Variants in WASHC4 observed in about 807,000 individuals in gnomAD.
The protein encoded by WASHC4 is WASH complex subunit 4.
Under a neutral mutation model 166.6 loss-of-function variants are expected in WASHC4, and 86 were observed. The ratio of observed to expected loss-of-function variants is 0.52; its 90% CI spans 0.43 to 0.62. The LOEUF (loss-of-function observed/expected upper bound fraction) is 0.62, where lower values mean the gene tolerates loss of function less well. WASHC4 is among the 20% of genes least tolerant of loss of function. WASHC4 has a pLI of 0.00. For synonymous variants in WASHC4, 446 were observed against 451.6 expected, an observed-to-expected ratio of 0.99 and a Z score of 0.16; for missense variants, 1,262 against 1,382.4, an observed-to-expected ratio of 0.91 and a Z score of 1.38.
intron 13 of WASHC4, among the ~76,000 whole-genome samples, chr12:105,127,661 A>G (rs114469931): frequency 3.0e-4 from 45 of 152,208 alleles, no homozygotes; most frequent in Admixed American, 6.5e-4. Flanking sequence ...GTTTTTCTTG[A>G]TGTGCTTCCT....
intron 13 of WASHC4, among the ~76,000 whole-genome samples, chr12:105,130,354 T>G (rs1881684407): frequency 6.6e-6 from 1 of 152,180 alleles, no homozygotes; most frequent in Non-Finnish European, 1.5e-5. Flanking sequence ...AGGCAGAATA[T>G]AGATAACTGT....
rs1406347235 is a variant in WASHC4 at position 105,107,859 on chromosome 12, A to T, written c.59A>T (p.Gln20Leu). The stretch of plus-strand genomic sequence containing the variant: ...TTTGACCGCGTTGACGACGGCTCGC[A>T]GAGTAAGGGAGCTGCAGGGCGAGGG... ...WEFDRVDDGSQKIHAEVQLKN... is the reference protein window; with the variant it reads ...WEFDRVDDGSLKIHAEVQLKN... The change falls in exon 1 of 33, where the codon CAG becomes CTG. Residue 20 changes from glutamine (Q) to leucine (L), a missense_variant and splice_region_variant. By Grantham distance (113) the Gln-to-Leu change is moderately radical. Transcript: ENST00000332180. 1 of 1,548,764 alleles carries T rather than the reference A, an allele frequency of 6.5e-7. No individual in the cohort carries two copies. The highest frequency in any genetic ancestry group is 1.4e-5 in the African/African-American group (1 of 72,968).
intron 6 of WASHC4, among the ~76,000 whole-genome samples, 160 bp from the exon 7 acceptor site, chr12:105,118,286 G>T (rs1036100331): frequency 4.6e-5 from 7 of 152,198 alleles, no homozygotes; most frequent in Non-Finnish European, 1.0e-4. Flanking sequence ...GTTAAGTATT[G>T]ATTGCTTGAG....
At chr12:105,160,898 T>C (rs1884454876) in intron 29 of WASHC4, among the ~76,000 whole-genome samples, 1 of 152,218 alleles carries the variant, frequency 6.6e-6, no homozygotes, top group Admixed American at 6.5e-5. Flanking sequence ...TTTTTAATGC[T>C]TCTTAGAGTA....
chr12:105,159,357 AT>A (rs1465974603), intron 28 of WASHC4, among the ~76,000 whole-genome samples: 6 of 152,322 alleles, frequency 3.9e-5, no homozygotes, highest in South Asian at 2.1e-4. Context: ...TAATGAATAG[AT>A]TATCTGCATA....
chr12:105,135,720 TTAA>T (rs1882257528), intron 14 of WASHC4, among the ~76,000 whole-genome samples: 1 of 152,150 alleles, frequency 6.6e-6, no homozygotes, highest in East Asian at 1.9e-4. Context: ...GTTTTAAATT[TTAA>T]TAATTTTACT....
chr12:105,113,962 T>G (rs1412769758), intron 2 of WASHC4, among the ~76,000 whole-genome samples: 2 of 152,044 alleles, frequency 1.3e-5, no homozygotes, highest in Non-Finnish European at 2.9e-5. Flanking sequence ...TTGCATTTTC[T>G]TATACTGCAC....
chr12:105,117,103 A>G (rs1565994511), intron 6 of WASHC4, among the ~76,000 whole-genome samples: 1 of 152,178 alleles, frequency 6.6e-6, no homozygotes, highest in Non-Finnish European at 1.5e-5. Context: ...TGAATCTTTT[A>G]TCATCATTTG....
chr12:105,124,189 G>A (rs1267609562), intron 10 of WASHC4, among the ~76,000 whole-genome samples: 3 of 144,136 alleles, frequency 2.1e-5, no homozygotes, highest in African/African-American at 5.2e-5. Flanking sequence ...GAGCTATCTC[G>A]GCTCACCACA....
chr12:105,156,936 T>TA, intron 27 of WASHC4, 144 bp downstream of exon 27: 1 of 715,366 alleles, frequency 1.4e-6, no homozygotes, highest in Admixed American at 2.3e-5. Context: ...CTATTAATTC[T>TA]ACTAGATTTT....
At chr12:105,143,373 ATT>A in intron 20 of WASHC4, 130 bp downstream of exon 20, 1 of 624,672 alleles carries the variant, frequency 1.6e-6, no homozygotes, top group Non-Finnish European at 2.9e-6. Flanking sequence ...ACAAAGAACT[ATT>A]TTTAGTTACA....
At chr12:105,148,859 C>T in intron 24 of WASHC4, 1 of 985,274 alleles carries the variant, frequency 1.0e-6, no homozygotes, top group Non-Finnish European at 1.2e-6. Flanking sequence ...TTTGCTATTT[C>T]CATCTGTAGG....
intron 25 of WASHC4, among the ~76,000 whole-genome samples, chr12:105,151,951 C>T (rs1883804125): frequency 6.6e-6 from 1 of 152,128 alleles, no homozygotes; most frequent in Non-Finnish European, 1.5e-5. Context: ...AATTTTAACC[C>T]AGCTGACGTG....
At chr12:105,139,519 C>T (rs1394174692) in intron 15 of WASHC4, among the ~76,000 whole-genome samples, 2 of 147,812 alleles carry the variant, frequency 1.4e-5, no homozygotes, top group Non-Finnish European at 3.0e-5. Context: ...AATTGACCAA[C>T]ACTGGTATTA....
At chr12:105,143,413 A>G (rs549731608) in intron 20 of WASHC4, among the ~76,000 whole-genome samples, 170 bp downstream of exon 20, 17 of 152,170 alleles carry the variant, frequency 1.1e-4, no homozygotes, top group Admixed American at 9.2e-4. Context: ...ATTGGTCTGT[A>G]ATTCATTTAT....
intron 10 of WASHC4, 67 bp downstream of exon 10, chr12:105,122,305 T>G: frequency 6.7e-7 from 1 of 1,499,300 alleles, no homozygotes; most frequent in Non-Finnish European, 9.2e-7. Context: ...AGAATTATAG[T>G]AGGACACTTT....
In WASHC4 at chr12:105,127,196, C is replaced by G; in HGVS notation, c.1106C>G (p.Pro369Arg). The stretch of plus-strand genomic sequence containing the variant: ...GATAATTTTCTGATCCAGAAAATAC[C>G]AGCAGCTGCCAAACTGCTAGACAGA... ...FPDNFLIQKI[P>R]AAAKLLDRKS... The change falls in exon 13 of 33, where the codon CCA (proline) becomes CGA (arginine). Residue 369 changes from proline to arginine, a missense_variant. Physicochemically the swap from Pro to Arg is moderately radical, Grantham distance 103. Transcript: ENST00000332180. The G allele has an allele frequency of 6.2e-7, 1 of 1,611,200 alleles. No homozygotes were observed. Among genetic ancestry groups the G allele is most frequent in the Non-Finnish European group, 8.5e-7 (1 of 1,177,560 alleles).
At chr12:105,138,429 CA>C (rs1734352783) in intron 15 of WASHC4, among the ~76,000 whole-genome samples, 1 of 150,646 alleles carries the variant, frequency 6.6e-6, no homozygotes, top group Admixed American at 6.6e-5. Flanking sequence ...GGTTAGTTAA[CA>C]TAAGGCTATT....
chr12:105,120,480 C>T (rs935518340), intron 7 of WASHC4, 75 bp from the exon 8 acceptor site: 2 of 849,028 alleles, frequency 2.4e-6, no homozygotes, highest in South Asian at 1.4e-5. Context: ...TCATCTGCTC[C>T]TGTATGTATT....
Sources: gnomAD v4.1 joint callset for allele counts (sites outside exome capture counted in the v4.1 genomes callset) on GRCh38, gnomAD v4.1.1 for gene constraint, MANE v1.5 for transcripts, NCBI Gene and HGNC (gene_info 2026-07-23, HGNC 2026-07-21) for gene names.